COX16: variants seen among roughly 807,000 people sequenced by gnomAD.
The protein encoded by COX16 is cytochrome c oxidase assembly factor COX16.
Under a neutral mutation model 15.4 loss-of-function variants are expected in COX16, and 12 were observed. That is an observed-to-expected ratio of 0.78 (90% confidence interval 0.50 to 1.26). The LOEUF (loss-of-function observed/expected upper bound fraction) is 1.26. COX16 is among the 50% of genes most tolerant of loss of function. The pLI is 0.00. For synonymous variants in COX16, 46 were observed against 41.1 expected (o/e 1.12, Z -0.46); for missense variants, 124 against 127.6 (o/e 0.97, Z 0.14).
intron 1 of COX16, among the ~76,000 whole-genome samples, chr14:70,347,457 C>A (rs1456559151): frequency 6.6e-6 from 1 of 152,158 alleles, no homozygotes; most frequent in Non-Finnish European, 1.5e-5. Context: ...ATGGGAAAAC[C>A]CCGACACCCA....
chr14:70,350,627 A>C (rs1221785524), intron 1 of COX16, among the ~76,000 whole-genome samples: 2 of 152,162 alleles, frequency 1.3e-5, no homozygotes, highest in East Asian at 1.9e-4. Flanking sequence ...AAAAACAACA[A>C]CACACAAATG....
At chr14:70,349,208 T>C (rs897620375) in intron 1 of COX16, among the ~76,000 whole-genome samples, 8 of 152,196 alleles carry the variant, frequency 5.3e-5, no homozygotes, top group Admixed American at 5.2e-4. Flanking sequence ...TCCTGCTCTA[T>C]CTGCCACTCA....
At chr14:70,326,708 C>G (rs377729474) in intron 3 of COX16, among the ~76,000 whole-genome samples, 1 of 152,108 alleles carries the variant, frequency 6.6e-6, no homozygotes, top group Admixed American at 6.5e-5. Context: ...AGTCTACATG[C>G]CTTATTTTTG....
chr14:70,330,708 G>A (rs1325377171), intron 2 of COX16, among the ~76,000 whole-genome samples: 1 of 152,162 alleles, frequency 6.6e-6, no homozygotes, highest in Non-Finnish European at 1.5e-5. Flanking sequence ...AGAGAATCCT[G>A]AAGCAGACTT....
chr14:70,338,461 G>C (rs1886525302), intron 2 of COX16, among the ~76,000 whole-genome samples: 1 of 152,074 alleles, frequency 6.6e-6, no homozygotes, highest in African/African-American at 2.4e-5. Flanking sequence ...GTACCTAAGA[G>C]CTAAGGTGGA....
chr14:70,359,120 A>G (rs936097835), intron 1 of COX16: 14 of 453,838 alleles, frequency 3.1e-5, no homozygotes, highest in Non-Finnish European at 5.3e-5. Flanking sequence ...TATCGTCAAA[A>G]CATAGCTAAG....
chr14:70,327,911 C>T (rs890679072), intron 3 of COX16, among the ~76,000 whole-genome samples: 3 of 152,090 alleles, frequency 2.0e-5, no homozygotes. Flanking sequence ...GAGTGTGGAA[C>T]AGCGTCAAGA....
chr14:70,338,169 A>C (rs1886514196), intron 2 of COX16, among the ~76,000 whole-genome samples: 2 of 152,208 alleles, frequency 1.3e-5, no homozygotes, highest in South Asian at 4.1e-4. Flanking sequence ...GCTGGAGTGC[A>C]ATGGCACGAT....
chr14:70,330,417 G>A (rs1385762566), intron 2 of COX16, among the ~76,000 whole-genome samples: 5 of 152,102 alleles, frequency 3.3e-5, no homozygotes, highest in African/African-American at 4.8e-5. Flanking sequence ...AGGGTCAGAT[G>A]GCTTTGCCAG....
chr14:70,355,067 A>G (rs1355789792), intron 1 of COX16, among the ~76,000 whole-genome samples: 4 of 152,070 alleles, frequency 2.6e-5, no homozygotes, highest in African/African-American at 9.7e-5. Context: ...CTTATTAACA[A>G]ACTTTCCTGG....
chr14:70,342,841 TATAGA>T (rs777206077), intron 1 of COX16, 112 bp from the exon 2 acceptor site: 391 of 1,125,812 alleles, frequency 3.5e-4, no homozygotes, highest in Non-Finnish European at 4.7e-4. Flanking sequence ...ACAAAAATTC[TATAGA>T]TTATTTTTCC....
intron 1 of COX16, among the ~76,000 whole-genome samples, chr14:70,345,026 C>G (rs761165955): frequency 5.9e-5 from 9 of 152,192 alleles, no homozygotes; most frequent in Non-Finnish European, 1.0e-4. Context: ...CCAACCGATA[C>G]AAGAACCGTA....
Position 70,326,077 on chromosome 14 carries a change from C to CAGTATTCACATTTTTTATT in COX16, c.*237_*255dup, listed in dbSNP as rs1476501968. On this transcript the variant is annotated 3_prime_UTR_variant, in exon 4 of 4. Transcript: ENST00000389912. ...GGAATACGTGACTCTGTTTTTGGAG[C>CAGTATTCACATTTTTTATT]AGTATTCACATTTTTTATTTCGAGG... 2.4e-5 allele frequency: 5 copies of CAGTATTCACATTTTTTATT among 210,634 alleles called. No homozygotes were observed. The highest frequency in any genetic ancestry group is 4.7e-5 in the Non-Finnish European group (5 of 107,312). 13.0% of individuals were successfully genotyped at this position (210,634 alleles called of 1,614,324 possible).
chr14:70,328,071 G>GTTTT (rs1594905215), intron 3 of COX16: 1 of 59,110 alleles, frequency 1.7e-5, no homozygotes, highest in Admixed American at 2.0e-4. Context: ...CTGAGAATAA[G>GTTTT]ATTTTTTTTT....
At chr14:70,352,554 T>C (rs1021038710) in intron 1 of COX16, among the ~76,000 whole-genome samples, 2 of 147,486 alleles carry the variant, frequency 1.4e-5, no homozygotes, top group African/African-American at 4.9e-5. Context: ...TATATAATTA[T>C]ATATATGTAA....
intron 1 of COX16, among the ~76,000 whole-genome samples, chr14:70,357,559 C>T (rs1273469995): frequency 2.0e-5 from 3 of 152,098 alleles, no homozygotes; most frequent in African/African-American, 7.2e-5. Context: ...TAAAAGGAAA[C>T]ATAGTCCAAT....
intron 2 of COX16, among the ~76,000 whole-genome samples, chr14:70,332,399 C>T (rs189793237): frequency 1.3e-4 from 20 of 152,300 alleles, no homozygotes; most frequent in East Asian, 5.8e-4. Flanking sequence ...AGTTGAGAAA[C>T]GATCCTGTCT....
Position 70,329,104 on chromosome 14 carries a change from TA to T in COX16, c.204+69del, listed in dbSNP as rs990527639. On this transcript the variant is annotated intron_variant, in intron 3 of 3. Transcript: ENST00000389912. ...TCAACGTAATTTTTTTCTGTACTAC[TA>T]ATACTTTTAAGGCAGATAAAACCAG... 2.0e-5 allele frequency: 29 copies of T among 1,463,778 alleles called. No individual in the cohort carries two copies. In the Admixed American group the frequency reaches 6.0e-4, roughly 30 times the overall value. 90.7% of individuals were successfully genotyped at this position (1,463,778 alleles called of 1,614,324 possible).
chr14:70,342,019 A>C (rs567883837), intron 2 of COX16, among the ~76,000 whole-genome samples: 3 of 152,176 alleles, frequency 2.0e-5, no homozygotes, highest in African/African-American at 7.2e-5. Context: ...TTAATATTAA[A>C]TTAAGAGAAA....
Sources: gnomAD v4.1 joint callset for allele counts (sites outside exome capture counted in the v4.1 genomes callset) on GRCh38, gnomAD v4.1.1 for gene constraint, MANE v1.5 for transcripts, NCBI Gene and HGNC (gene_info 2026-07-23, HGNC 2026-07-21) for gene names.